Variants in KDM4C observed in about 807,000 individuals in gnomAD.
The protein encoded by KDM4C is lysine-specific demethylase 4C.
A neutral mutation model predicts 129.3 loss-of-function variants in KDM4C; 81 were observed. The ratio of observed to expected loss-of-function variants is 0.63; its 90% CI spans 0.52 to 0.75. The LOEUF is 0.75. KDM4C is among the 30% of genes least tolerant of loss of function. The pLI is 0.00. For synonymous variants in KDM4C, 573 were observed against 456.1 expected (o/e 1.26, Z -3.26); for missense variants, 1,457 against 1,304.0 (o/e 1.12, Z -1.81).
In KDM4C at chr9:6,849,549, G is replaced by C; in HGVS notation, c.478G>C (p.Asp160His). Residue 160 changes from aspartate (D) to histidine (H), a missense_variant, in exon 5 of 22, where the codon GAT (aspartate) becomes CAT (histidine). Physicochemically the swap from Asp to His is moderately conservative, Grantham distance 81. Transcript: ENST00000381309. Reference sequence around the variant, plus strand: ...CATAGCTCGCCTCAATACAGTCTTGGATGTGGTTGAAGAAGAGTGTGGCAT... The same window carrying C: ...CATAGCTCGCCTCAATACAGTCTTGCATGTGGTTGAAGAAGAGTGTGGCAT... ...WNIARLNTVL[D>H]VVEEECGISI... 6.2e-7 allele frequency: 1 copy of C among 1,612,942 alleles called. No individual in the cohort carries two copies. Among genetic ancestry groups the C allele is most frequent in the Non-Finnish European group, 8.5e-7 (1 of 1,179,176 alleles).
chr9:6,904,843 G>A lies in KDM4C; in HGVS notation c.921+11611G>A, dbSNP rs187968829. On this transcript the variant is annotated intron_variant, in intron 8 of 21. Transcript: ENST00000381309. ...CGAGAGGAAAAAGTAACTAAACGGC[G>A]TTAGTCAACAGTTTTGTGGCAATGG... 2.1e-3 allele frequency among the ~76,000 whole-genome samples: 317 copies of A among 152,114 alleles called. 1 individual carries two copies. Among genetic ancestry groups the A allele is most frequent in the African/African-American group, 3.8e-3 (156 of 41,490 alleles).
intron 12 of KDM4C, among the ~76,000 whole-genome samples, chr9:6,995,730 G>A (rs1365384189): frequency 1.3e-4 from 19 of 151,826 alleles, no homozygotes; most frequent in Admixed American, 9.8e-4. Flanking sequence ...GGAGTGCAGT[G>A]GCGCAGTCTC....
chr9:7,160,986 C>T (rs551860598), intron 19 of KDM4C, among the ~76,000 whole-genome samples: 160 of 152,202 alleles, frequency 1.1e-3, no homozygotes, highest in South Asian at 4.4e-3. Context: ...TGGGCTCCAC[C>T]CAGTTCAAGC....
intron 18 of KDM4C, among the ~76,000 whole-genome samples, chr9:7,113,977 C>G (rs1176666304): frequency 6.6e-6 from 1 of 152,162 alleles, no homozygotes; most frequent in African/African-American, 2.4e-5. Flanking sequence ...CGTTGAGAGA[C>G]TTACCCATAT....
Position 7,024,483 on chromosome 9 carries a change from G to A in KDM4C, c.2259+8554G>A, listed in dbSNP as rs147611433. Among the ~76,000 whole-genome samples the A allele has an allele frequency of 9.3e-3, 1,215 of 131,276 alleles. 16 individuals are homozygous for A. Among genetic ancestry groups the A allele is most frequent in the African/African-American group, 0.032 (1,120 of 35,442 alleles). 86.1% of individuals were successfully genotyped at this position (131,276 alleles called of 152,430 possible). A position where few individuals can be genotyped will look rare whatever the true frequency, so the allele number is the denominator to read the frequency against. ...TATCACCTAATGCTATCCCTCCCCC[G>A]TCCCCCCACCCCACAACAGTCCCTG... On this transcript the variant is annotated intron_variant, in intron 15 of 21. Transcript: ENST00000381309.
intron 8 of KDM4C, among the ~76,000 whole-genome samples, chr9:6,907,742 G>C (rs759763627): frequency 6.6e-6 from 1 of 152,134 alleles, no homozygotes; most frequent in African/African-American, 2.4e-5. Context: ...GAAGTAAAGT[G>C]GAATTCTGTG....
At chr9:6,774,022 G>C (rs960487139) in intron 1 of KDM4C, among the ~76,000 whole-genome samples, 5 of 151,894 alleles carry the variant, frequency 3.3e-5, no homozygotes, top group Non-Finnish European at 7.4e-5. Flanking sequence ...TGAGTAGCTG[G>C]GACTACAGGC....
intron 1 of KDM4C, among the ~76,000 whole-genome samples, chr9:6,768,356 C>T (rs1401079206): frequency 6.7e-6 from 1 of 149,268 alleles, no homozygotes; most frequent in Non-Finnish European, 1.5e-5. Context: ...TTTTTTTTAA[C>T]CTGCTGGGCT....
At chr9:7,026,367 GT>G (rs929638297) in intron 15 of KDM4C, among the ~76,000 whole-genome samples, 2 of 150,904 alleles carry the variant, frequency 1.3e-5, no homozygotes, top group Non-Finnish European at 3.0e-5. Flanking sequence ...TAGGGTAAAT[GT>G]TTTTTTTTCT....
At chr9:6,740,030 C>T (rs1406677455) in intron 1 of KDM4C, among the ~76,000 whole-genome samples, 1 of 152,062 alleles carries the variant, frequency 6.6e-6, no homozygotes, top group Non-Finnish European at 1.5e-5. Context: ...GCTGGGACTA[C>T]AGGCGCGCGC....
chr9:7,034,827 T>C (rs760083180), intron 15 of KDM4C, among the ~76,000 whole-genome samples: 7 of 152,232 alleles, frequency 4.6e-5, no homozygotes, highest in African/African-American at 1.2e-4. Context: ...TCCACGTCCT[T>C]ACCAGTATTT....
intron 8 of KDM4C, among the ~76,000 whole-genome samples, chr9:6,954,846 C>G (rs1045599871): frequency 2.0e-5 from 3 of 152,100 alleles, no homozygotes; most frequent in African/African-American, 7.2e-5. Context: ...TCAGAAAATT[C>G]TTGTTTAGTT....
chr9:7,034,075 A>T (rs1422291878), intron 15 of KDM4C, among the ~76,000 whole-genome samples: 1 of 151,004 alleles, frequency 6.6e-6, no homozygotes, highest in Non-Finnish European at 1.5e-5. Flanking sequence ...TGCTTTTCTT[A>T]AAAAATTGTT....
intron 18 of KDM4C, among the ~76,000 whole-genome samples, chr9:7,126,528 A>G (rs1383244955): frequency 6.6e-6 from 1 of 152,222 alleles, no homozygotes; most frequent in African/African-American, 2.4e-5. Context: ...GAGGCAAGAA[A>G]GAACCTGCAG....
At chr9:6,869,723 G>A (rs375953615) in intron 5 of KDM4C, among the ~76,000 whole-genome samples, 11 of 152,212 alleles carry the variant, frequency 7.2e-5, no homozygotes, top group Admixed American at 4.6e-4. Context: ...TCTTCAAGGG[G>A]TATGTTCTTG....
At chr9:6,772,464 C>T (rs770836093) in intron 1 of KDM4C, among the ~76,000 whole-genome samples, 6 of 152,100 alleles carry the variant, frequency 3.9e-5, no homozygotes, top group African/African-American at 9.7e-5. Flanking sequence ...TGCGTTCAAG[C>T]GATTCTCCTG....
chr9:6,813,427 G>A (rs1431171814), intron 3 of KDM4C, among the ~76,000 whole-genome samples: 2 of 152,162 alleles, frequency 1.3e-5, no homozygotes, highest in South Asian at 4.1e-4. Flanking sequence ...AAATTAAGTT[G>A]TTTGGTATTT....
At chr9:6,979,914 A>C (rs1816475916) in intron 8 of KDM4C, among the ~76,000 whole-genome samples, 1 of 152,186 alleles carries the variant, frequency 6.6e-6, no homozygotes, top group African/African-American at 2.4e-5. Flanking sequence ...GTGTGGTTTG[A>C]AGTTGAAGAC....
intron 17 of KDM4C, among the ~76,000 whole-genome samples, chr9:7,057,886 C>T (rs1177852395): frequency 4.6e-5 from 7 of 152,176 alleles, no homozygotes; most frequent in Non-Finnish European, 1.0e-4. Flanking sequence ...AGAGATACAG[C>T]TCTTGCTTCA....
Sources: allele counts gnomAD v4.1 joint callset (sites outside exome capture counted in the v4.1 genomes callset), GRCh38; gene constraint gnomAD v4.1.1; transcripts MANE v1.5; gene names NCBI Gene and HGNC (gene_info 2026-07-23, HGNC 2026-07-21).